Variants in PPP2R2B observed in about 807,000 individuals in gnomAD.
PPP2R2B encodes the protein serine/threonine-protein phosphatase 2A 55 kDa regulatory subunit B beta isoform.
Under a neutral mutation model 46.0 loss-of-function variants are expected in PPP2R2B, and 5 were observed. That is an observed-to-expected ratio of 0.11 (90% confidence interval 0.06 to 0.23). PPP2R2B has a LOEUF of 0.23. Among genes scored for constraint, PPP2R2B ranks in the 10% least tolerant of loss-of-function variants. The pLI is 1.00. For synonymous variants in PPP2R2B, 215 were observed against 206.7 expected (o/e 1.04, Z -0.34); for missense variants, 367 against 575.0 (o/e 0.64, Z 3.70).
chr5:146,848,774 C>G (rs1041393189), intron 2 of PPP2R2B, among the ~76,000 whole-genome samples: 2 of 152,184 alleles, frequency 1.3e-5, no homozygotes, highest in Non-Finnish European at 2.9e-5. Flanking sequence ...GCTTAGGGAG[C>G]TATGCCAACT....
intron 2 of PPP2R2B, among the ~76,000 whole-genome samples, chr5:146,720,158 A>C (rs1780714549): frequency 6.6e-6 from 1 of 152,204 alleles, no homozygotes. Flanking sequence ...ACCTCTCTAC[A>C]GGGCTGCATG....
chr5:146,709,051 C>T (rs564912374), intron 2 of PPP2R2B, among the ~76,000 whole-genome samples: 3 of 152,286 alleles, frequency 2.0e-5, no homozygotes, highest in Middle Eastern at 3.4e-3. Context: ...GTGTGTAATA[C>T]GTTCTGTTTG....
intron 6 of PPP2R2B, among the ~76,000 whole-genome samples, chr5:146,639,276 A>G (rs1202262724): frequency 6.6e-6 from 1 of 151,818 alleles, no homozygotes; most frequent in African/African-American, 2.4e-5. Flanking sequence ...CAAGCCATCC[A>G]GTTGGAAAGT....
At chr5:146,922,015 G>C (rs889625240) in intron 1 of PPP2R2B, among the ~76,000 whole-genome samples, 2 of 152,160 alleles carry the variant, frequency 1.3e-5, no homozygotes, top group African/African-American at 4.8e-5. Context: ...GGCTCAGAGA[G>C]GCTGAGTGAC....
chr5:146,616,008 CA>C (rs771249586), intron 7 of PPP2R2B, among the ~76,000 whole-genome samples: 15 of 152,226 alleles, frequency 9.9e-5, no homozygotes, highest in Non-Finnish European at 1.6e-4. Context: ...TTACAGTAAC[CA>C]AAACAGCATG....
At chr5:146,788,350 AAG>A (rs1449099509) in intron 2 of PPP2R2B, among the ~76,000 whole-genome samples, 1 of 151,988 alleles carries the variant, frequency 6.6e-6, no homozygotes, top group Admixed American at 6.5e-5. Context: ...GAAAAAAAAA[AAG>A]GGAACAGTAA....
chr5:146,695,806 T>A (rs1247712991), intron 4 of PPP2R2B, among the ~76,000 whole-genome samples: 1 of 152,154 alleles, frequency 6.6e-6, no homozygotes, highest in Non-Finnish European at 1.5e-5. Flanking sequence ...GTACAGTAAT[T>A]CCAATTGTCT....
intron 7 of PPP2R2B, chr5:146,607,315 C>G (rs1291995689): frequency 6.6e-6 from 1 of 152,154 alleles, no homozygotes; most frequent in African/African-American, 2.4e-5. Context: ...ACTGTGCTAC[C>G]AGGGGCCTAA....
intron 2 of PPP2R2B, among the ~76,000 whole-genome samples, chr5:146,835,947 C>G (rs58274851): frequency 6.6e-6 from 1 of 151,998 alleles, no homozygotes; most frequent in Non-Finnish European, 1.5e-5. Context: ...AGCTATGGGA[C>G]CAATTATGAA....
At chr5:146,877,960 GC>G in intron 2 of PPP2R2B, 41 bp downstream of exon 2, 1 of 1,594,280 alleles carries the variant, frequency 6.3e-7, no homozygotes, top group Non-Finnish European at 8.6e-7. Flanking sequence ...TCCGCAACTT[GC>G]GCCCGGCCCC....
At chr5:147,025,938 T>C (rs1755507231) in intron 1 of PPP2R2B, among the ~76,000 whole-genome samples, 2 of 152,100 alleles carry the variant, frequency 1.3e-5, no homozygotes, top group African/African-American at 2.4e-5. Flanking sequence ...AATACCACTA[T>C]ACTCTTAGTA....
intron 1 of PPP2R2B, among the ~76,000 whole-genome samples, chr5:147,014,811 C>G (rs1222292104): frequency 6.6e-6 from 1 of 151,624 alleles, no homozygotes; most frequent in Non-Finnish European, 1.5e-5. Context: ...GTGCAGTGCA[C>G]CAGCATGGCA....
At chr5:146,680,290 C>G (rs1244489281) in intron 5 of PPP2R2B, among the ~76,000 whole-genome samples, 1 of 146,896 alleles carries the variant, frequency 6.8e-6, no homozygotes, top group African/African-American at 2.5e-5. Flanking sequence ...TAAACTATCG[C>G]AAGAACAAAA....
chr5:146,954,902 T>C (rs1424620142), intron 1 of PPP2R2B, among the ~76,000 whole-genome samples: 1 of 152,078 alleles, frequency 6.6e-6, no homozygotes, highest in Non-Finnish European at 1.5e-5. Flanking sequence ...TCCCATAGTG[T>C]AGGTATTTCC....
chr5:146,777,085 C>T (rs762854617), intron 2 of PPP2R2B, among the ~76,000 whole-genome samples: 9 of 152,036 alleles, frequency 5.9e-5, no homozygotes, highest in Non-Finnish European at 1.0e-4. Context: ...AAAAGTTATA[C>T]ACAGAGTTAG....
chr5:146,737,810 C>T (rs536185290), intron 2 of PPP2R2B, among the ~76,000 whole-genome samples: 12 of 152,040 alleles, frequency 7.9e-5, no homozygotes, highest in Admixed American at 3.3e-4. Context: ...TGTGGTGGCT[C>T]ACACCTGTAG....
chr5:146,700,917 T>A, intron 3 of PPP2R2B, 128 bp downstream of exon 3: 1 of 821,556 alleles, frequency 1.2e-6, no homozygotes, highest in South Asian at 1.6e-5. Context: ...TGTTAATGAC[T>A]TTTTTGGCAG....
intron 1 of PPP2R2B, among the ~76,000 whole-genome samples, chr5:147,023,359 A>C (rs958380222): frequency 1.3e-5 from 2 of 152,218 alleles, no homozygotes; most frequent in African/African-American, 4.8e-5. Flanking sequence ...AGCAAGGAAC[A>C]AAAAGCAGAT....
At chr5:146,807,309 A>G (rs761827906) in intron 2 of PPP2R2B, among the ~76,000 whole-genome samples, 10 of 152,156 alleles carry the variant, frequency 6.6e-5, no homozygotes, top group Non-Finnish European at 1.2e-4. Flanking sequence ...CTAAGGAGGC[A>G]TGGCAGTATG....
Sources: allele counts gnomAD v4.1 joint callset (sites outside exome capture counted in the v4.1 genomes callset), GRCh38; gene constraint gnomAD v4.1.1; transcripts MANE v1.5; gene names NCBI Gene and HGNC (gene_info 2026-07-23, HGNC 2026-07-21).